Variants in ZBTB7C observed in about 807,000 individuals in gnomAD.
The protein encoded by ZBTB7C is zinc finger and BTB domain containing 7C, also known as zinc finger and BTB domain-containing protein 7C.
In ZBTB7C, 8 loss-of-function variants were observed where a neutral mutation model predicts 25.7. The ratio of observed to expected loss-of-function variants is 0.31; its 90% CI spans 0.18 to 0.56. ZBTB7C has a LOEUF of 0.56. Ranked by LOEUF, ZBTB7C falls within the 20% of genes least tolerant of loss-of-function variation. The pLI is 0.91. For missense variants in ZBTB7C, 824 were observed against 855.2 expected (o/e 0.96, Z 0.46); for synonymous variants, 394 against 369.0 (o/e 1.07, Z -0.78).
At chr18:48,299,053 A>T (rs557594178) in intron 2 of ZBTB7C, among the ~76,000 whole-genome samples, 1 of 152,192 alleles carries the variant, frequency 6.6e-6, no homozygotes, top group South Asian at 2.1e-4. Context: ...TCAAAGAGGC[A>T]CCCACAGAGG....
At chr18:48,264,780 G>A (rs2044264403) in intron 2 of ZBTB7C, among the ~76,000 whole-genome samples, 1 of 152,162 alleles carries the variant, frequency 6.6e-6, no homozygotes, top group Non-Finnish European at 1.5e-5. Context: ...CTGTGCCTGG[G>A]AGTCAGCCAA....
intron 1 of ZBTB7C, among the ~76,000 whole-genome samples, chr18:48,363,255 G>C (rs1311948537): frequency 6.6e-6 from 1 of 152,168 alleles, no homozygotes; most frequent in Non-Finnish European, 1.5e-5. Context: ...GTTTCTATAG[G>C]AGGGTGGCCT....
chr18:48,135,965 C>T (rs952369105), intron 3 of ZBTB7C, among the ~76,000 whole-genome samples: 8 of 152,234 alleles, frequency 5.3e-5, no homozygotes, highest in African/African-American at 1.9e-4. Flanking sequence ...CACCCGCCTG[C>T]CGGCACAGAC....
At chr18:48,314,125 G>A (rs1214461501) in intron 2 of ZBTB7C, among the ~76,000 whole-genome samples, 11 of 152,088 alleles carry the variant, frequency 7.2e-5, no homozygotes, top group Non-Finnish European at 1.5e-4. Context: ...GTATTCCTTC[G>A]TAGCAACGCA....
At chr18:48,209,467 G>A (rs2042652897) in intron 2 of ZBTB7C, among the ~76,000 whole-genome samples, 1 of 152,292 alleles carries the variant, frequency 6.6e-6, no homozygotes, top group African/African-American at 2.4e-5. Flanking sequence ...TTTAAAATGC[G>A]AGTCACTGGC....
intron 3 of ZBTB7C, among the ~76,000 whole-genome samples, chr18:48,173,895 C>T (rs1170934196): frequency 1.3e-5 from 2 of 152,180 alleles, no homozygotes; most frequent in African/African-American, 4.8e-5. Context: ...ACCACTTGTC[C>T]CCTGTCCCCA....
chr18:48,308,987 A>G (rs1353718893), intron 2 of ZBTB7C, among the ~76,000 whole-genome samples: 1 of 152,192 alleles, frequency 6.6e-6, no homozygotes, highest in Non-Finnish European at 1.5e-5. Context: ...AGCCCTACAG[A>G]AGGTGAGGTC....
At chr18:48,202,133 C>T (rs1370224543) in intron 2 of ZBTB7C, among the ~76,000 whole-genome samples, 2 of 152,228 alleles carry the variant, frequency 1.3e-5, no homozygotes. Flanking sequence ...GTGCTTCCTG[C>T]TCACGCTCAG....
At chr18:48,306,011 G>A (rs2045665513) in intron 2 of ZBTB7C, among the ~76,000 whole-genome samples, 1 of 152,206 alleles carries the variant, frequency 6.6e-6, no homozygotes, top group Non-Finnish European at 1.5e-5. Context: ...TGAGCTCAAG[G>A]TGTCACCATG....
intron 2 of ZBTB7C, among the ~76,000 whole-genome samples, chr18:48,207,576 T>C (rs965862818): frequency 1.5e-5 from 2 of 133,156 alleles, no homozygotes; most frequent in African/African-American, 2.8e-5. Flanking sequence ...CTATCATCTA[T>C]CTATCTATCT....
At chr18:48,039,867 C>T (rs2036138244) in intron 4 of ZBTB7C, 33 bp downstream of exon 4, 1 of 1,602,806 alleles carries the variant, frequency 6.2e-7, no homozygotes, top group African/African-American at 1.3e-5. Context: ...GCCTCTGGCC[C>T]CGTGCCCCAC....
chr18:48,216,923 A>G (rs1407183322), intron 2 of ZBTB7C, among the ~76,000 whole-genome samples: 2 of 152,184 alleles, frequency 1.3e-5, no homozygotes, highest in South Asian at 2.1e-4. Context: ...ACCGGATGAG[A>G]GTAGGTCTCT....
chr18:48,089,744 T>TA (rs2038338249), intron 3 of ZBTB7C, among the ~76,000 whole-genome samples: 3 of 152,176 alleles, frequency 2.0e-5, no homozygotes, highest in Non-Finnish European at 4.4e-5. Context: ...TGCAAGATGA[T>TA]AAAGTTTTGT....
intron 3 of ZBTB7C, among the ~76,000 whole-genome samples, chr18:48,120,813 T>C (rs2144719317): frequency 6.6e-6 from 1 of 152,314 alleles, no homozygotes; most frequent in Admixed American, 6.5e-5. Flanking sequence ...TCCTTTGGCA[T>C]CATTCACACA....
At chr18:48,167,255 C>A (rs2144995623) in intron 3 of ZBTB7C, among the ~76,000 whole-genome samples, 1 of 152,306 alleles carries the variant, frequency 6.6e-6, no homozygotes, top group Non-Finnish European at 1.5e-5. Flanking sequence ...TCCAACCTGC[C>A]CCTCCCACAG....
upstream of ZBTB7C, among the ~76,000 whole-genome samples, chr18:48,410,484 G>A (rs897523764): frequency 1.3e-5 from 2 of 152,216 alleles, no homozygotes; most frequent in Non-Finnish European, 2.9e-5. Flanking sequence ...CCCCCTCGGA[G>A]TCTGTCGGGG....
At chr18:48,275,279 C>T (rs867580056) in intron 2 of ZBTB7C, among the ~76,000 whole-genome samples, 2 of 152,210 alleles carry the variant, frequency 1.3e-5, no homozygotes, top group African/African-American at 4.8e-5. Flanking sequence ...TACTAGAAGG[C>T]AGCAGACTAT....
chr18:48,124,518 G>A (rs2039736032), intron 3 of ZBTB7C, among the ~76,000 whole-genome samples: 1 of 152,204 alleles, frequency 6.6e-6, no homozygotes, highest in Non-Finnish European at 1.5e-5. Context: ...AGCTGGAAGG[G>A]GGTGGGGTGA....
chr18:48,250,662 T>C (rs914091664), intron 2 of ZBTB7C, among the ~76,000 whole-genome samples: 2 of 152,162 alleles, frequency 1.3e-5, no homozygotes, highest in Non-Finnish European at 1.5e-5. Flanking sequence ...TTAGCATTGA[T>C]AAAATGCTTA....
Sources: gnomAD v4.1 joint callset for allele counts (sites outside exome capture counted in the v4.1 genomes callset) on GRCh38, gnomAD v4.1.1 for gene constraint, MANE v1.5 for transcripts, NCBI Gene and HGNC (gene_info 2026-07-23, HGNC 2026-07-21) for gene names.